The following BEST2 variants were observed in gnomAD, a reference collection of about 807,000 sequenced individuals.
BEST2 encodes the protein bestrophin-2a.
BEST2 carries 36 observed loss-of-function variants against 49.0 expected under a neutral mutation model. The observed-to-expected ratio is 0.73, with a 90% confidence interval of 0.56 to 0.97. The LOEUF (loss-of-function observed/expected upper bound fraction) is 0.97, where lower values mean the gene tolerates loss of function less well. Ranked by LOEUF, BEST2 falls within the 50% of genes least tolerant of loss-of-function variation. The probability of loss-of-function intolerance (pLI) is 0.00; values close to 1 mark genes in which losing one functional copy is unlikely to be tolerated. For synonymous variants in BEST2, 335 were observed against 304.4 expected (o/e 1.10, Z -1.05); for missense variants, 672 against 710.0 (o/e 0.95, Z 0.61).
Position 12,755,863 on chromosome 19 carries a change from G to A in BEST2, c.876G>A (p.Glu292=), listed in dbSNP as rs1356238510. The A allele has an allele frequency of 3.1e-6, 5 of 1,614,082 alleles. No homozygotes were observed. The African/African-American group carries it at 5.3e-5, about 17-fold the overall frequency. Reference sequence around the variant, plus strand: ...GCTCCCTCTCCTCTCAGGTAGCTGAGCAGCTCATCAACCCCTTCGGAGAGG... The same window carrying A: ...GCTCCCTCTCCTCTCAGGTAGCTGAACAGCTCATCAACCCCTTCGGAGAGG... ...FFYAGWLKVA[E]QLINPFGEDD... Residue 292 remains glutamate, a synonymous_variant, in exon 8 of 10, where the codon GAG becomes GAA. Transcript: ENST00000553030. This position sits in a 1 kb window ranked among gnomAD's most constrained non-coding sequence, Gnocchi z 4.4.
At position 12,754,891 on chromosome 19, in the gene BEST2, G is replaced by A. The variant is rs922110604; in HGVS notation, c.496G>A (p.Glu166Lys). 17 of 1,612,778 alleles carry A rather than the reference G, an allele frequency of 1.1e-5. No homozygotes were observed. The highest frequency in any genetic ancestry group is 1.4e-5 in the Non-Finnish European group (16 of 1,179,522). ...CTTTCCTCCAGGGTTTATGACCCGC[G>A]AGGAGCGCAAGAAGTTTGAAAACCT... ...HVVEAGFMTR[E>K]ERKKFENLNS... The change falls in exon 5 of 10, where the codon GAG becomes AAG. Residue 166 changes from glutamate to lysine, a missense_variant. By Grantham distance (56) the Glu-to-Lys change is moderately conservative. This residue lies in a region of BEST2 where 365 missense variants were observed against 390.9 expected (regional missense o/e 0.93). Coordinates refer to ENST00000553030, the MANE Select transcript of BEST2 (RefSeq NM_017682.3).
At chr19:12,754,474 C>T (rs979271206) in intron 3 of BEST2, 78 bp from the exon 4 acceptor site, 1 of 1,226,184 alleles carries the variant, frequency 8.2e-7, no homozygotes, top group South Asian at 1.6e-5. Flanking sequence ...CTTACGTTGC[C>T]CCCTCTCCCA....
Position 12,757,917 on chromosome 19 carries a change from T to C in BEST2, c.1370T>C (p.Leu457Pro). ...SCGDPLLDPG[L>P]PEPEAPPPAG... ...GGGGACCCGCTGCTCGACCCCGGCCTGCCGGAGCCCGAGGCCCCGCCCCCT... is the reference window on the plus strand; with the variant it reads ...GGGGACCCGCTGCTCGACCCCGGCCCGCCGGAGCCCGAGGCCCCGCCCCCT... The change falls in exon 10 of 10, where the codon CTG (leucine) becomes CCG (proline). Residue 457 changes from leucine to proline, a missense_variant. Physicochemically the swap from Leu to Pro is moderately conservative, Grantham distance 98 (BLOSUM62 -3). This residue lies in a region of BEST2 where 291 missense variants were observed against 279.8 expected (regional missense o/e 1.04). Transcript: ENST00000553030. 1 of 1,562,312 alleles carries C rather than the reference T, an allele frequency of 6.4e-7. No individual in the cohort carries two copies. The highest frequency in any genetic ancestry group is 8.7e-7 in the Non-Finnish European group (1 of 1,155,242).
In BEST2 at chr19:12,752,660, T is replaced by C. The variant is rs1487952926; in HGVS notation, c.68T>C (p.Leu23Pro). Residue 23 changes from leucine (L) to proline (P), a missense_variant, in exon 2 of 10, where the codon CTG (leucine) becomes CCG (proline). Leu to Pro is a moderately conservative substitution (Grantham distance 98). This residue lies in a region of BEST2 where 365 missense variants were observed against 390.9 expected (regional missense o/e 0.93). Coordinates refer to ENST00000553030, the MANE Select transcript of BEST2 (RefSeq NM_017682.3). ...RFGGFSQLLL[L>P]WRGSIYKLLW... ...GGTGGCTTCTCCCAGCTGCTGCTAC[T>C]GTGGCGTGGGAGCATCTACAAACTC... The C allele has an allele frequency of 2.5e-6, 4 of 1,612,848 alleles. No homozygotes were observed. The highest frequency in any genetic ancestry group is 3.4e-6 in the Non-Finnish European group (4 of 1,179,942).
chr19:12,756,625 T>G (rs1464523130), intron 9 of BEST2: 2 of 298,560 alleles, frequency 6.7e-6, no homozygotes, highest in East Asian at 7.8e-5. Flanking sequence ...AGGAGGATCC[T>G]TTGAGCAAGC....
At chr19:12,752,383 T>C (rs1011477496) in intron 1 of BEST2, among the ~76,000 whole-genome samples, 159 bp from the exon 2 acceptor site, 1 of 150,782 alleles carries the variant, frequency 6.6e-6, no homozygotes, top group African/African-American at 2.4e-5. Context: ...CAGCCTGAGA[T>C]GAAGGTCAGG....
Sources: gnomAD v4.1 joint callset for allele counts (sites outside exome capture counted in the v4.1 genomes callset) on GRCh38, gnomAD v4.1.1 for gene constraint, gnomAD v4.1.1 regional missense constraint, Gnocchi (gnomAD v3.1) non-coding constraint, MANE v1.5 for transcripts, NCBI Gene and HGNC (gene_info 2026-07-23, HGNC 2026-07-21) for gene names.